Variants in EYA1 observed in about 807,000 individuals in gnomAD.
EYA1 encodes the protein protein phosphatase EYA1.
In EYA1, 16 loss-of-function variants were observed where a neutral mutation model predicts 82.0. The observed-to-expected ratio is 0.20, with a 90% confidence interval of 0.13 to 0.30. The LOEUF (loss-of-function observed/expected upper bound fraction) is 0.30. Ranked by LOEUF, EYA1 falls within the 10% of genes least tolerant of loss-of-function variation. EYA1 has a pLI of 1.00. For missense variants in EYA1, 633 were observed against 730.7 expected (o/e 0.87, Z 1.54); for synonymous variants, 261 against 264.4 (o/e 0.99, Z 0.12).
At chr8:71,534,383 T>C (rs563146557) in intron 2 of EYA1, among the ~76,000 whole-genome samples, 1 of 152,254 alleles carries the variant, frequency 6.6e-6, no homozygotes, top group Non-Finnish European at 1.5e-5. Context: ...GATCTCAAAG[T>C]GCTTTATGTG....
At chr8:71,271,266 T>C (rs1430999132) in intron 10 of EYA1, among the ~76,000 whole-genome samples, 1 of 152,218 alleles carries the variant, frequency 6.6e-6, no homozygotes, top group East Asian at 1.9e-4. Flanking sequence ...CCTTCAAGCA[T>C]TTGTCCTTTG....
chr8:71,204,875 T>C (rs570147318), intron 17 of EYA1, among the ~76,000 whole-genome samples: 3 of 152,230 alleles, frequency 2.0e-5, no homozygotes, highest in Non-Finnish European at 4.4e-5. Context: ...GACATAAGTA[T>C]GCTTTTTAAG....
At chr8:71,266,560 T>G (rs1336637471) in intron 11 of EYA1, among the ~76,000 whole-genome samples, 1 of 152,034 alleles carries the variant, frequency 6.6e-6, no homozygotes, top group Non-Finnish European at 1.5e-5. Context: ...AAAAGACACC[T>G]CCAGGCAATG....
rs565548494 is a variant in EYA1 at position 71,354,912 on chromosome 8, A to G, written c.-4-3T>C. On this transcript the variant is annotated splice_region_variant and splice_polypyrimidine_tract_variant and intron_variant, in intron 2 of 17. Coordinates refer to ENST00000340726, the MANE Select transcript of EYA1 (RefSeq NM_000503.6). The stretch of plus-strand genomic sequence containing the variant: ...TTAGATCCTGCATTTCCATAGACCT[A>G]AAGACAAGAAGCCTTCCATTTGACA... 1.2e-6 allele frequency: 2 copies of G among 1,612,734 alleles called. No homozygotes were observed. The highest frequency in any genetic ancestry group is 2.2e-5 in the South Asian group (2 of 91,058).
intron 7 of EYA1, among the ~76,000 whole-genome samples, chr8:71,302,090 T>C (rs1396678328): frequency 3.3e-5 from 5 of 152,176 alleles, no homozygotes; most frequent in African/African-American, 1.2e-4. Context: ...TATCAATGCT[T>C]TTTTAAAAGA....
chr8:71,292,857 A>G (rs927468210), intron 9 of EYA1, among the ~76,000 whole-genome samples: 3 of 152,102 alleles, frequency 2.0e-5, no homozygotes, highest in Admixed American at 1.3e-4. Context: ...AGATCTAAAA[A>G]TCAATCATCT....
intron 2 of EYA1, among the ~76,000 whole-genome samples, chr8:71,453,129 G>A (rs535378100): frequency 2.0e-5 from 3 of 152,232 alleles, no homozygotes; most frequent in Non-Finnish European, 4.4e-5. Context: ...GAATGCACAA[G>A]CTTCAGTAGA....
chr8:71,417,428 C>T (rs1159053969), intron 2 of EYA1, among the ~76,000 whole-genome samples: 1 of 152,086 alleles, frequency 6.6e-6, no homozygotes, highest in Non-Finnish European at 1.5e-5. Flanking sequence ...AGAACATGGA[C>T]AAGTTTAGAA....
intron 7 of EYA1, among the ~76,000 whole-genome samples, chr8:71,311,289 C>T (rs1199960101): frequency 6.6e-6 from 1 of 152,200 alleles, no homozygotes; most frequent in Non-Finnish European, 1.5e-5. Flanking sequence ...TTATTTATGA[C>T]ACACTGGGGA....
rs1196773079 is a variant in EYA1 at position 71,361,679 on chromosome 8, T to A, written c.-87A>T. On this transcript the variant is annotated 5_prime_UTR_variant, in exon 1 of 18. Transcript: ENST00000340726. ...ACATCTGCTGCATCCACCAGTTTAA[T>A]GTGTTCCTTCGAATTTTCTGGGTTA... 9 of 985,398 alleles carry A rather than the reference T, an allele frequency of 9.1e-6. No individual in the cohort carries two copies. Among genetic ancestry groups the A allele is most frequent in the Non-Finnish European group, 1.1e-5 (9 of 829,966 alleles). 61.0% of individuals were successfully genotyped at this position (985,398 alleles called of 1,614,324 possible).
At chr8:71,234,022 A>G (rs547970174) in intron 12 of EYA1, among the ~76,000 whole-genome samples, 1 of 152,220 alleles carries the variant, frequency 6.6e-6, no homozygotes, top group East Asian at 1.9e-4. Flanking sequence ...TGCAGTAAAT[A>G]TTTTTATAGC....
chr8:71,541,930 A>G (rs2129292099), intron 1 of EYA1, among the ~76,000 whole-genome samples: 1 of 152,302 alleles, frequency 6.6e-6, no homozygotes, highest in South Asian at 2.1e-4. Flanking sequence ...TTTTAAAATA[A>G]CAAGCTGCAA....
At chr8:71,299,329 G>T in intron 8 of EYA1, 96 bp from the exon 9 acceptor site, 1 of 1,311,672 alleles carries the variant, frequency 7.6e-7, no homozygotes. Flanking sequence ...GGGTTTCTGA[G>T]CCTTTTCTGA....
chr8:71,209,001 T>C (rs994162034), intron 17 of EYA1, among the ~76,000 whole-genome samples: 3 of 152,220 alleles, frequency 2.0e-5, no homozygotes, highest in Non-Finnish European at 4.4e-5. Flanking sequence ...TACCACAAGC[T>C]AGAAAGCCAC....
At chr8:71,359,096 A>G (rs572004290) in intron 1 of EYA1, among the ~76,000 whole-genome samples, 86 of 152,270 alleles carry the variant, frequency 5.6e-4, no homozygotes, top group Middle Eastern at 3.4e-3. Flanking sequence ...CTCATTGTAT[A>G]GAATACCCAT....
intron 2 of EYA1, among the ~76,000 whole-genome samples, chr8:71,453,611 A>G (rs1234366660): frequency 2.6e-5 from 4 of 152,228 alleles, no homozygotes; most frequent in Non-Finnish European, 5.9e-5. Context: ...ATGGGGGCCA[A>G]TATTCAACAT....
At chr8:71,456,426 C>CA in intron 2 of EYA1, among the ~76,000 whole-genome samples, 1 of 152,024 alleles carries the variant, frequency 6.6e-6, no homozygotes, top group Non-Finnish European at 1.5e-5. Context: ...CATATGGAAC[C>CA]AAAAAAGAGT....
intron 2 of EYA1, among the ~76,000 whole-genome samples, chr8:71,437,586 T>G (rs1184867381): frequency 6.6e-6 from 1 of 152,056 alleles, no homozygotes; most frequent in Non-Finnish European, 1.5e-5. Flanking sequence ...TTAAAAGAAA[T>G]TTAACGTTAA....
upstream of EYA1, chr8:71,362,227 T>G (rs1229280268): frequency 1.0e-6 from 1 of 973,938 alleles, no homozygotes; most frequent in Non-Finnish European, 1.2e-6. Flanking sequence ...CTAACCTTAT[T>G]GGTTTAAATG....
Sources: gnomAD v4.1 joint callset for allele counts (sites outside exome capture counted in the v4.1 genomes callset) on GRCh38, gnomAD v4.1.1 for gene constraint, MANE v1.5 for transcripts, NCBI Gene and HGNC (gene_info 2026-07-23, HGNC 2026-07-21) for gene names.